Variants in ECPAS observed in about 807,000 individuals in gnomAD.
The protein encoded by ECPAS is proteasome adapter and scaffold protein ECM29.
Under a neutral mutation model 255.1 loss-of-function variants are expected in ECPAS, and 70 were observed. The observed-to-expected ratio is 0.27, with a 90% CI of 0.23 to 0.33. The LOEUF is 0.33. Among genes scored for constraint, ECPAS ranks in the 10% least tolerant of loss-of-function variants. ECPAS has a pLI of 1.00. For missense variants in ECPAS, 1,817 were observed against 2,206.4 expected, an observed-to-expected ratio of 0.82 and a Z score of 3.54; for synonymous variants, 784 against 775.0, an observed-to-expected ratio of 1.01 and a Z score of -0.19.
chr9:111,411,978 T>C (rs1434757644), intron 21 of ECPAS, 36 bp downstream of exon 21: 1 of 1,486,352 alleles, frequency 6.7e-7, no homozygotes, highest in Non-Finnish European at 8.9e-7. Flanking sequence ...TAAAACCCTA[T>C]CTCCCACAAA....
chr9:111,392,561 G>A (rs1355547194), intron 28 of ECPAS, among the ~76,000 whole-genome samples: 4 of 152,092 alleles, frequency 2.6e-5, no homozygotes, highest in Admixed American at 6.5e-5. Context: ...AACTTTCGAC[G>A]CTTGACCTAG....
intron 20 of ECPAS, 46 bp from the exon 21 acceptor site, chr9:111,412,194 A>G: frequency 2.8e-6 from 4 of 1,448,416 alleles, no homozygotes; most frequent in Non-Finnish European, 2.7e-6. Flanking sequence ...ACACAGAACC[A>G]CGTGCCTGAT....
intron 7 of ECPAS, among the ~76,000 whole-genome samples, chr9:111,436,629 T>G (rs1293728164): frequency 6.6e-6 from 1 of 151,842 alleles, no homozygotes; most frequent in African/African-American, 2.4e-5. Flanking sequence ...AAATTAAAAT[T>G]ACAAAAGTTA....
intron 34 of ECPAS, among the ~76,000 whole-genome samples, chr9:111,383,747 CCT>C (rs1169393916): frequency 6.6e-6 from 1 of 151,902 alleles, no homozygotes; most frequent in Non-Finnish European, 1.5e-5. Flanking sequence ...ATGAAGAGAC[CCT>C]GTCTCTACAA....
In ECPAS at chr9:111,362,048, T is replaced by G; in HGVS notation, c.5502A>C (p.Thr1834=). ...LQEKAALLKK[T]LENLE is the part of the protein sequence containing the mutation. The stretch of plus-strand genomic sequence containing the variant: ...TTCTAATTTATTCCAGATTTTCAAG[T>G]GTTTTCTTCAGTAACGCTGCTTTCT... The change falls in exon 50 of 50, where the codon ACA becomes ACC. Residue 1834 remains threonine (T), a synonymous_variant. Coordinates refer to ENST00000684092, the MANE Select transcript of ECPAS (RefSeq NM_001364929.1). The G allele has an allele frequency of 6.2e-7, 1 of 1,612,120 alleles. No individual in the cohort carries two copies. The highest frequency in any genetic ancestry group is 8.5e-7 in the Non-Finnish European group (1 of 1,179,144).
chr9:111,481,211 T>G (rs1445025730), intron 1 of ECPAS, among the ~76,000 whole-genome samples: 1 of 152,248 alleles, frequency 6.6e-6, no homozygotes, highest in East Asian at 1.9e-4. Context: ...AACAGTACAG[T>G]GGGGGCCGGG....
intron 2 of ECPAS, among the ~76,000 whole-genome samples, chr9:111,469,879 A>G (rs2098284781): frequency 6.6e-6 from 1 of 152,158 alleles, no homozygotes. Flanking sequence ...GTTTGTAAAG[A>G]GTTACCCCCA....
chr9:111,411,511 C>T (rs2098194407), intron 21 of ECPAS: 1 of 192,276 alleles, frequency 5.2e-6, no homozygotes, highest in South Asian at 1.7e-4. Context: ...ATAATGTCTT[C>T]CTATTGCCAA....
intron 29 of ECPAS, among the ~76,000 whole-genome samples, chr9:111,391,193 T>TCATCC (rs1291470383): frequency 6.6e-6 from 1 of 152,138 alleles, no homozygotes; most frequent in East Asian, 1.9e-4. Context: ...TCCTGCCTCC[T>TCATCC]CATCCCCCCA....
At chr9:111,383,477 T>C (rs1415153843) in intron 34 of ECPAS, 145 bp from the exon 35 acceptor site, 27 of 1,176,432 alleles carry the variant, frequency 2.3e-5, no homozygotes, top group Non-Finnish European at 3.0e-5. Flanking sequence ...CACAGAGGAA[T>C]GAGATCGGAG....
In ECPAS at chr9:111,361,950, T is replaced by C. The variant is rs563599355; in HGVS notation, c.*80A>G. 1 of 1,516,622 alleles carries C rather than the reference T, an allele frequency of 6.6e-7. No individual in the cohort carries two copies. The allele number at this position is 1,516,622 out of a possible 1,614,324, so 93.9% of individuals were successfully genotyped here. On this transcript the variant is annotated 3_prime_UTR_variant, in exon 50 of 50. Coordinates refer to ENST00000684092, the MANE Select transcript of ECPAS (RefSeq NM_001364929.1). ...CATGCTACAGATTAATCTTTACTTT[T>C]TCCCACTTGGTTTTTCAAAGAACAC...
intron 6 of ECPAS, 120 bp from the exon 7 acceptor site, chr9:111,437,228 C>T (rs2098239496): frequency 3.7e-6 from 3 of 815,122 alleles, no homozygotes; most frequent in Non-Finnish European, 5.2e-6. Context: ...AGAATGAACA[C>T]TTGAAATTAA....
At chr9:111,429,109 T>G (rs1416470849) in intron 9 of ECPAS, among the ~76,000 whole-genome samples, 1 of 152,212 alleles carries the variant, frequency 6.6e-6, no homozygotes, top group Non-Finnish European at 1.5e-5. Context: ...ATGTTGTTTT[T>G]CTTGAAGTAA....
rs3837272 is a variant in ECPAS at position 111,362,176 on chromosome 9, G to GAA, written c.5381-9_5381-8dup. 828 of 1,182,430 alleles carry GAA rather than the reference G, an allele frequency of 7.0e-4. No individual in the cohort carries two copies. Among genetic ancestry groups the GAA allele is most frequent in the South Asian group, 2.4e-3 (136 of 56,486 alleles). 73.2% of individuals were successfully genotyped at this position (1,182,430 alleles called of 1,614,324 possible). Reference sequence around the variant, plus strand: ...CATTCCCACTGTTTAGATTCTGCATGAAAAAAAAAAAACAAAAACAAAAAA... The same window carrying GAA: ...CATTCCCACTGTTTAGATTCTGCATGAAAAAAAAAAAAAACAAAAACAAAAAA... On this transcript the variant is annotated splice_region_variant and splice_polypyrimidine_tract_variant and intron_variant, in intron 49 of 49. Coordinates refer to ENST00000684092, the MANE Select transcript of ECPAS (RefSeq NM_001364929.1).
chr9:111,393,466 A>C (rs1041503485), intron 27 of ECPAS, among the ~76,000 whole-genome samples: 3 of 152,178 alleles, frequency 2.0e-5, no homozygotes, highest in African/African-American at 7.2e-5. Context: ...TAAACCAATA[A>C]ATGAGAAAGA....
intron 18 of ECPAS, among the ~76,000 whole-genome samples, chr9:111,415,084 T>C (rs147273551): frequency 2.0e-3 from 304 of 152,142 alleles, no homozygotes; most frequent in African/African-American, 7.0e-3. Flanking sequence ...CTATGGGGTA[T>C]TGGGCTTAAT....
At chr9:111,391,175 A>T (rs545652193) in intron 29 of ECPAS, among the ~76,000 whole-genome samples, 4 of 152,294 alleles carry the variant, frequency 2.6e-5, no homozygotes, top group African/African-American at 7.2e-5. Flanking sequence ...CCTCAGTCAT[A>T]GGCCCTATCC....
chr9:111,371,989 G>A (rs1247050023), intron 42 of ECPAS, among the ~76,000 whole-genome samples, 160 bp from the exon 43 acceptor site: 2 of 152,178 alleles, frequency 1.3e-5, no homozygotes, highest in Non-Finnish European at 2.9e-5. Flanking sequence ...TTGGTGTTGT[G>A]ACTTATTCTC....
At chr9:111,423,606 A>G (rs2098217487) in intron 12 of ECPAS, among the ~76,000 whole-genome samples, 1 of 152,196 alleles carries the variant, frequency 6.6e-6, no homozygotes, top group Non-Finnish European at 1.5e-5. Context: ...TCTTCAACAC[A>G]CTAAAAAACA....
Sources: gnomAD v4.1 joint callset for allele counts (sites outside exome capture counted in the v4.1 genomes callset) on GRCh38, gnomAD v4.1.1 for gene constraint, MANE v1.5 for transcripts, NCBI Gene and HGNC (gene_info 2026-07-23, HGNC 2026-07-21) for gene names.